PINK1: variants seen among roughly 807,000 people sequenced by gnomAD.
The protein encoded by PINK1 is PTEN induced kinase 1.
A neutral mutation model predicts 56.0 loss-of-function variants in PINK1; 58 were observed. The ratio of observed to expected loss-of-function variants is 1.04; its 90% confidence interval spans 0.84 to 1.29. The LOEUF (loss-of-function observed/expected upper bound fraction) is 1.29, where lower values mean the gene tolerates loss of function less well. Among genes scored for constraint, PINK1 ranks in the 50% most tolerant of loss-of-function variants. The probability of loss-of-function intolerance (pLI) is 0.00; values close to 1 mark genes in which losing one functional copy is unlikely to be tolerated. For synonymous variants in PINK1, 354 were observed against 339.3 expected, an observed-to-expected ratio of 1.04 and a Z score of -0.48; for missense variants, 745 against 777.9, an observed-to-expected ratio of 0.96 and a Z score of 0.50.
Position 20,648,247 on chromosome 1 carries a change from A to G in PINK1, c.1124-258A>G, listed in dbSNP as rs115740489. 16,340 of 523,316 alleles carry G rather than the reference A, an allele frequency of 0.031. 332 individuals are homozygous for G. Among genetic ancestry groups the G allele is most frequent in the Middle Eastern group, 0.039 (74 of 1,874 alleles). The allele number at this position is 523,316 out of a possible 1,614,324, so 32.4% of individuals were successfully genotyped here. A position where few individuals can be genotyped will look rare whatever the true frequency, so the allele number is the denominator to read the frequency against. ...TCCTTTGGTCTTGGGGACAGCTCCA[A>G]TTACTAGAACATGATTTAAATTGAG... is the stretch of plus-strand genomic sequence containing the variant. On this transcript the variant is annotated intron_variant, in intron 5 of 7. Coordinates refer to ENST00000321556, the MANE Select transcript of PINK1 (RefSeq NM_032409.3).
rs560494598 is a variant in PINK1, at chr1:20,639,309, C to T, written c.676-583C>T. The T allele has an allele frequency of 4.3e-4, 75 of 173,528 alleles. 2 individuals carry two copies. In the South Asian group the frequency reaches 0.01, roughly 24 times the overall value. 10.7% of individuals were successfully genotyped at this position (173,528 alleles called of 1,614,324 possible). ...CCTGGTTGGGGCATGACAGCTGTTG[C>T]ATTCACAGCAGCTACAAGATTGTTG... On this transcript the variant is annotated intron_variant, in intron 2 of 7. Transcript: ENST00000321556.
chr1:20,634,079 A>G (rs2053028905), intron 1 of PINK1, 144 bp downstream of exon 1: 8 of 953,482 alleles, frequency 8.4e-6, no homozygotes, highest in Admixed American at 2.5e-5. Context: ...AAGCTCATCT[A>G]TTTCACCATT....
chr1:20,638,464 CTA>C (rs2053080329), intron 2 of PINK1: 5 of 322,572 alleles, frequency 1.6e-5, no homozygotes, highest in South Asian at 1.5e-4. Context: ...AACCCCATCT[CTA>C]TGAAAAATAC....
At chr1:20,640,387 C>T (rs3121394) in intron 3 of PINK1, among the ~76,000 whole-genome samples, 127,736 of 151,930 alleles carry the variant, frequency 0.84, 53,967 homozygotes, top group Middle Eastern at 0.9. Context: ...CTGATGGTGC[C>T]AAGAGATTTT....
intron 7 of PINK1, chr1:20,650,022 C>T: frequency 3.2e-6 from 1 of 315,444 alleles, no homozygotes; most frequent in South Asian, 2.9e-5. Context: ...ACCTGCACCC[C>T]AGCACTGTTC....
chr1:20,645,105 T>C (rs1218526043), intron 4 of PINK1, among the ~76,000 whole-genome samples: 4 of 151,854 alleles, frequency 2.6e-5, no homozygotes, highest in African/African-American at 9.7e-5. Context: ...GGATGGTGAG[T>C]GGGAGGGAAC....
At chr1:20,649,316 G>A in intron 7 of PINK1, 85 bp downstream of exon 7, 1 of 1,401,592 alleles carries the variant, frequency 7.1e-7, no homozygotes, top group East Asian at 2.3e-5. Flanking sequence ...TTGGGCCAGA[G>A]CCACAGTGAC....
At position 20,649,070 on chromosome 1, in the gene PINK1, GC is replaced by G. The variant is rs775479526; in HGVS notation, c.1329del (p.Tyr444MetfsTer39). On this transcript the variant is annotated frameshift_variant, in exon 7 of 8. Transcript: ENST00000321556. LOFTEE classifies it high-confidence loss of function. The stretch of plus-strand genomic sequence containing the variant: ...TGATGCCTGGGCAGTGGGAGCCATC[GC>G]CTATGAAATCTTCGGGCTTGTCAAT... ...KADAWAVGAI[A>X]YEIFGLVNPF... 30 of 1,614,094 alleles carry G rather than the reference GC, an allele frequency of 1.9e-5. No individual in the cohort carries two copies. In the Admixed American group the frequency reaches 4.5e-4, roughly 24 times the overall value.
At position 20,641,406 on chromosome 1, in the gene PINK1, G is replaced by C. The variant is rs1353908653; in HGVS notation, c.776+1414G>C. On this transcript the variant is annotated intron_variant, in intron 3 of 7. Transcript: ENST00000321556. This position sits in a 1 kb window ranked among gnomAD's most constrained non-coding sequence, Gnocchi z 4.0. The stretch of plus-strand genomic sequence containing the variant: ...GGAGCACCATGATGTCTGCTGCTGA[G>C]ACCTCCCATCTGACATAGTCCCTGT... 6.6e-6 allele frequency among the ~76,000 whole-genome samples: 1 copy of C among 152,140 alleles called. No individual in the cohort carries two copies. The highest frequency in any genetic ancestry group is 1.5e-5 in the Non-Finnish European group (1 of 68,030).
intron 7 of PINK1, 160 bp downstream of exon 7, chr1:20,649,391 G>A (rs897006190): frequency 1.4e-5 from 10 of 692,548 alleles, no homozygotes; most frequent in Admixed American, 2.6e-5. Context: ...TTTAATGTAG[G>A]TAGGAGTAGG....
At chr1:20,647,505 C>CT (rs1179448490) in intron 5 of PINK1, among the ~76,000 whole-genome samples, 3 of 123,194 alleles carry the variant, frequency 2.4e-5, no homozygotes, top group African/African-American at 9.4e-5. Context: ...GAGTCTCACT[C>CT]TGTCGCCCAG....
intron 1 of PINK1, among the ~76,000 whole-genome samples, chr1:20,636,295 A>G (rs1448091669): frequency 2.6e-5 from 4 of 151,132 alleles, no homozygotes. Flanking sequence ...TTTTATATAT[A>G]TACACACACA....
chr1:20,638,178 A>G (rs1364053590), intron 2 of PINK1, 49 bp downstream of exon 2: 5 of 1,588,408 alleles, frequency 3.1e-6, no homozygotes, highest in Middle Eastern at 1.8e-4. Flanking sequence ...CAAAATGCCC[A>G]TCTTAGTGGG....
chr1:20,634,842 G>A lies in PINK1; in HGVS notation c.387+907G>A, dbSNP rs2053040560. On this transcript the variant is annotated intron_variant, in intron 1 of 7. Transcript: ENST00000321556. ...CCTGCATTTTACAGGTTAGGGCTGA[G>A]GTGGTGGAAGAGGGAGTGACTTGCC... Among the ~76,000 whole-genome samples, 4 of 152,230 alleles carry A rather than the reference G, an allele frequency of 2.6e-5. No individual in the cohort carries two copies. In the South Asian group the frequency reaches 8.3e-4, roughly 31 times the overall value.
At chr1:20,638,476 C>G in intron 2 of PINK1, 1 of 311,808 alleles carries the variant, frequency 3.2e-6, no homozygotes, top group Admixed American at 4.5e-5. Flanking sequence ...ATGAAAAATA[C>G]AAAAATTAGC....
Position 20,633,873 on chromosome 1 carries a change from G to T in PINK1, c.325G>T (p.Gly109Cys). 4 of 1,580,520 alleles carry T rather than the reference G, an allele frequency of 2.5e-6. No homozygotes were observed. Among genetic ancestry groups the T allele is most frequent in the Non-Finnish European group, 3.4e-6 (4 of 1,165,418 alleles). Residue 109 changes from glycine to cysteine, a missense_variant, in exon 1 of 8, where the codon GGC (glycine) becomes TGC (cysteine). Physicochemically the swap from Gly to Cys is radical, Grantham distance 159. Coordinates refer to ENST00000321556, the MANE Select transcript of PINK1 (RefSeq NM_032409.3). ...CTTTCTGGCCTTCGGGCTAGGGCTGGGCCTCATCGAGGAAAAACAGGCGGA... is the reference window on the plus strand; with the variant it reads ...CTTTCTGGCCTTCGGGCTAGGGCTGTGCCTCATCGAGGAAAAACAGGCGGA... ...AVFLAFGLGL[G>C]LIEEKQAESR...
chr1:20,641,279 A>G lies in PINK1; in HGVS notation c.776+1287A>G, dbSNP rs899897720. Among the ~76,000 whole-genome samples, 5 of 152,072 alleles carry G rather than the reference A, an allele frequency of 3.3e-5. No individual in the cohort carries two copies. The highest frequency in any genetic ancestry group is 7.4e-5 in the Non-Finnish European group (5 of 68,016). ...CTTCTCCTGAGGCCTTTTTGGAGAAAGTGGACACCTGAATGTCAGCTGCTT... is the reference window on the plus strand; with the variant it reads ...CTTCTCCTGAGGCCTTTTTGGAGAAGGTGGACACCTGAATGTCAGCTGCTT... On this transcript the variant is annotated intron_variant, in intron 3 of 7. Coordinates refer to ENST00000321556, the MANE Select transcript of PINK1 (RefSeq NM_032409.3). This position sits in a 1 kb window ranked among gnomAD's most constrained non-coding sequence, Gnocchi z 4.0.
Position 20,645,556 on chromosome 1 carries a change from C to G in PINK1, c.960-4C>G. 6.2e-7 allele frequency: 1 copy of G among 1,613,434 alleles called. No homozygotes were observed. Among genetic ancestry groups the G allele is most frequent in the Non-Finnish European group, 8.5e-7 (1 of 1,179,974 alleles). On this transcript the variant is annotated splice_polypyrimidine_tract_variant and splice_region_variant and intron_variant, in intron 4 of 7. Transcript: ENST00000321556. ...AGCCAGAGGCCCTCTCCCCTCTCCG[C>G]CAGCTATCCCTGTACCCTGCGCCAG...
intron 1 of PINK1, among the ~76,000 whole-genome samples, chr1:20,636,417 C>T (rs1570398994): frequency 6.6e-6 from 1 of 152,000 alleles, no homozygotes; most frequent in East Asian, 1.9e-4. Context: ...TCTCAGCTCA[C>T]TGCAACCTCC....
Sources: gnomAD v4.1 joint callset for allele counts (sites outside exome capture counted in the v4.1 genomes callset) on GRCh38, gnomAD v4.1.1 for gene constraint, Gnocchi (gnomAD v3.1) non-coding constraint, MANE v1.5 for transcripts, NCBI Gene and HGNC (gene_info 2026-07-23, HGNC 2026-07-21) for gene names.